The following AP1B1 variants were observed in gnomAD, a reference collection of about 807,000 sequenced individuals.
AP1B1 encodes adaptor related protein complex 1 subunit beta 1.
In AP1B1, 36 loss-of-function variants were observed where a neutral mutation model predicts 104.3. The ratio of observed to expected loss-of-function variants is 0.35; its 90% CI spans 0.26 to 0.46. The LOEUF is 0.46. AP1B1 is among the 20% of genes least tolerant of loss of function. The pLI is 1.00. For missense variants in AP1B1, 901 were observed against 1,247.9 expected, an observed-to-expected ratio of 0.72 and a Z score of 4.19; for synonymous variants, 504 against 517.5, an observed-to-expected ratio of 0.97 and a Z score of 0.35.
intron 19 of AP1B1, among the ~76,000 whole-genome samples, chr22:29,330,983 C>G (rs556755700): frequency 2.4e-4 from 37 of 152,200 alleles, no homozygotes; most frequent in Non-Finnish European, 4.6e-4. Flanking sequence ...CGGTGAGCAG[C>G]CTGCTCGTTA....
intron 2 of AP1B1, among the ~76,000 whole-genome samples, chr22:29,364,618 C>T (rs2062102907): frequency 6.6e-6 from 1 of 152,102 alleles, no homozygotes; most frequent in Non-Finnish European, 1.5e-5. Flanking sequence ...GGGGTTTCAC[C>T]ATGTTGGTCA....
intron 1 of AP1B1, among the ~76,000 whole-genome samples, chr22:29,371,285 G>A (rs1467490346): frequency 1.3e-5 from 2 of 152,164 alleles, no homozygotes; most frequent in Admixed American, 6.6e-5. Flanking sequence ...CAGTCCTAAC[G>A]GGGCTCAGAC....
In AP1B1 at chr22:29,349,332, C is replaced by T; in HGVS notation, c.1323G>A (p.Glu441=). Residue 441 remains glutamate, a synonymous_variant, in exon 11 of 23, where the codon GAG becomes GAA. Transcript: ENST00000357586. The part of the protein sequence containing the change: ...TLCENLDSLD[E]PEARAAMIWI... ...AGATCATGGCAGCCCGGGCCTCAGG[C>T]TCATCCAGGGAGTCCAGATTCTCAC... 2 of 1,614,120 alleles carry T rather than the reference C, an allele frequency of 1.2e-6. No individual in the cohort carries two copies. Among genetic ancestry groups the T allele is most frequent in the Non-Finnish European group, 1.7e-6 (2 of 1,180,034 alleles).
At chr22:29,370,007 G>A (rs1026551836) in intron 1 of AP1B1, among the ~76,000 whole-genome samples, 1 of 151,988 alleles carries the variant, frequency 6.6e-6, no homozygotes. Flanking sequence ...ACTTGAGAGT[G>A]TAACTGCCAA....
chr22:29,375,703 T>A (rs2062328534), intron 1 of AP1B1, among the ~76,000 whole-genome samples: 1 of 152,216 alleles, frequency 6.6e-6, no homozygotes, highest in Non-Finnish European at 1.5e-5. Context: ...AACAGCTGTG[T>A]GACCCTGGGC....
At chr22:29,349,994 G>A (rs2061849190) in intron 10 of AP1B1, 41 bp downstream of exon 10, 3 of 1,504,592 alleles carry the variant, frequency 2.0e-6, no homozygotes, top group South Asian at 1.1e-5. Flanking sequence ...CTGTCCCCAG[G>A]CAGAGCTAGA....
intron 1 of AP1B1, among the ~76,000 whole-genome samples, chr22:29,378,552 C>CAAAAAAAA (rs145933767): frequency 2.1e-5 from 1 of 48,484 alleles, no homozygotes; most frequent in African/African-American, 8.2e-5. Flanking sequence ...AACTCCGTAT[C>CAAAAAAAA]AAAAAAAAAA....
At chr22:29,365,643 CG>C (rs1336730967) in intron 2 of AP1B1, among the ~76,000 whole-genome samples, 2 of 152,030 alleles carry the variant, frequency 1.3e-5, no homozygotes, top group South Asian at 4.1e-4. Context: ...AGGCTAGACT[CG>C]AACTCCTGGG....
intron 11 of AP1B1, among the ~76,000 whole-genome samples, chr22:29,345,328 G>A (rs1270717279): frequency 6.7e-6 from 1 of 149,430 alleles, no homozygotes; most frequent in Non-Finnish European, 1.5e-5. Flanking sequence ...AAAGTGCTGG[G>A]TTACAGGCAT....
chr22:29,328,776 C>T lies in AP1B1; in HGVS notation c.*45G>A. Reference sequence around the variant, plus strand: ...AGATGTGCTGCCCCCGAGGGGCCTCCTCGATGGGGCGGGCAGAAGGCTGGG... The same window carrying T: ...AGATGTGCTGCCCCCGAGGGGCCTCTTCGATGGGGCGGGCAGAAGGCTGGG... On this transcript the variant is annotated 3_prime_UTR_variant, in exon 23 of 23. Coordinates refer to ENST00000357586, the MANE Select transcript of AP1B1 (RefSeq NM_001127.4). The surrounding 1 kb of genome is among the most constrained non-coding windows in gnomAD (Gnocchi z 4.1). 6.3e-7 allele frequency: 1 copy of T among 1,580,372 alleles called. No homozygotes were observed. The highest frequency in any genetic ancestry group is 8.6e-7 in the Non-Finnish European group (1 of 1,166,944).
At position 29,358,914 on chromosome 22, in the gene AP1B1, T is replaced by A. The variant is rs1165637636; in HGVS notation, c.337A>T (p.Ile113Phe). Residue 113 changes from isoleucine to phenylalanine, a missense_variant, in exon 5 of 23, where the codon ATC (isoleucine) becomes TTC (phenylalanine). Coordinates refer to ENST00000357586, the MANE Select transcript of AP1B1 (RefSeq NM_001127.4). Reference protein sequence around the residue: ...RALAVRTMGCIRVDKITEYLC... With the variant: ...RALAVRTMGCFRVDKITEYLC... The stretch of plus-strand genomic sequence containing the variant: ...TACTCTGTGATCTTGTCAACGCGGA[T>A]GCAGCCCATGGTCCGCACTGCCAGG... The A allele has an allele frequency of 6.2e-7, 1 of 1,613,064 alleles. No homozygotes were observed. Among genetic ancestry groups the A allele is most frequent in the South Asian group, 1.1e-5 (1 of 90,838 alleles).
chr22:29,342,616 T>C (rs1263612915), intron 11 of AP1B1, among the ~76,000 whole-genome samples: 1 of 152,206 alleles, frequency 6.6e-6, no homozygotes, highest in Non-Finnish European at 1.5e-5. Flanking sequence ...ACTGGACTAT[T>C]TGGCAAACCC....
At chr22:29,381,590 T>C (rs759089012) in intron 1 of AP1B1, among the ~76,000 whole-genome samples, 7 of 152,184 alleles carry the variant, frequency 4.6e-5, no homozygotes, top group Non-Finnish European at 1.0e-4. Context: ...ATTCTAACTA[T>C]ACTGAAATTG....
At chr22:29,336,364 G>T (rs1485501255) in intron 16 of AP1B1, among the ~76,000 whole-genome samples, 1 of 152,178 alleles carries the variant, frequency 6.6e-6, no homozygotes. Flanking sequence ...GGAAAGTCCT[G>T]CCCGTGGCAG....
rs2062000766 is a variant in AP1B1 at position 29,358,875 on chromosome 22, G to A, written c.376C>T (p.Leu126Phe). 1 of 1,614,016 alleles carries A rather than the reference G, an allele frequency of 6.2e-7. No individual in the cohort carries two copies. Among genetic ancestry groups the A allele is most frequent in the Non-Finnish European group, 8.5e-7 (1 of 1,180,014 alleles). The change falls in exon 5 of 23, where the codon CTC becomes TTC. Residue 126 changes from leucine (L) to phenylalanine (F), a missense_variant. Leu to Phe is a conservative substitution (Grantham distance 22). Around this residue, in one of 3 missense-constraint regions of AP1B1, gnomAD observed 471 missense variants for 696.7 expected, o/e 0.68. Coordinates refer to ENST00000357586, the MANE Select transcript of AP1B1 (RefSeq NM_001127.4). The part of the protein sequence containing the change: ...DKITEYLCEP[L>F]RKCLKDEDPY... ...TCCTCGTCCTTCAGGCACTTCCGGA[G>A]TGGCTCGCACAGGTACTCTGTGATC...
At chr22:29,343,328 A>G (rs1285154183) in intron 11 of AP1B1, among the ~76,000 whole-genome samples, 1 of 152,218 alleles carries the variant, frequency 6.6e-6, no homozygotes, top group Non-Finnish European at 1.5e-5. Context: ...GAAGCCCAGC[A>G]GCAGCCGTGC....
At chr22:29,374,078 G>A (rs1401170069) in intron 1 of AP1B1, among the ~76,000 whole-genome samples, 1 of 151,588 alleles carries the variant, frequency 6.6e-6, no homozygotes, top group East Asian at 1.9e-4. Flanking sequence ...GTGCATGCCT[G>A]TAATCACAGC....
intron 3 of AP1B1, among the ~76,000 whole-genome samples, chr22:29,360,841 T>G (rs1247857601): frequency 1.3e-5 from 2 of 152,198 alleles, no homozygotes; most frequent in Non-Finnish European, 2.9e-5. Context: ...TCTGAAATCA[T>G]CATATCCCCT....
chr22:29,334,853 G>A (rs2061614815), intron 16 of AP1B1, among the ~76,000 whole-genome samples: 2 of 152,216 alleles, frequency 1.3e-5, no homozygotes, highest in South Asian at 2.1e-4. Flanking sequence ...GGCCATCACC[G>A]CCTGTCCTCC....
Sources: gnomAD v4.1 joint callset for allele counts (sites outside exome capture counted in the v4.1 genomes callset) on GRCh38, gnomAD v4.1.1 for gene constraint, gnomAD v4.1.1 regional missense constraint, Gnocchi (gnomAD v3.1) non-coding constraint, MANE v1.5 for transcripts, NCBI Gene and HGNC (gene_info 2026-07-23, HGNC 2026-07-21) for gene names.